Variants in PCDHA6 observed in about 807,000 individuals in gnomAD.
The protein encoded by PCDHA6 is protocadherin alpha-6.
In PCDHA6, 55 loss-of-function variants were observed where a neutral mutation model predicts 60.3. The observed-to-expected ratio is 0.91, with a 90% CI of 0.73 to 1.14. PCDHA6 has a LOEUF of 1.14. Among genes scored for constraint, PCDHA6 ranks in the 50% most tolerant of loss-of-function variants. The probability of loss-of-function intolerance (pLI) is 0.00; values close to 1 mark genes in which losing one functional copy is unlikely to be tolerated. For synonymous variants in PCDHA6, 652 were observed against 557.9 expected (o/e 1.17, Z -2.38); for missense variants, 1,327 against 1,256.5 (o/e 1.06, Z -0.85).
intron 1 of PCDHA6, chr5:140,834,613 TA>T: frequency 6.2e-6 from 10 of 1,614,054 alleles, no homozygotes; most frequent in Non-Finnish European, 8.5e-6. Flanking sequence ...CTTCTGGAGG[TA>T]AATCTGCAGA....
At chr5:140,956,666 G>C (rs1232573740) in intron 1 of PCDHA6, among the ~76,000 whole-genome samples, 2 of 152,088 alleles carry the variant, frequency 1.3e-5, no homozygotes, top group African/African-American at 4.8e-5. Context: ...GGCCTTAAAG[G>C]AGTTAGGGAG....
At chr5:140,941,310 CTTCT>C (rs2093024652) in intron 1 of PCDHA6, among the ~76,000 whole-genome samples, 1 of 79,250 alleles carries the variant, frequency 1.3e-5, no homozygotes, top group Non-Finnish European at 2.6e-5. Flanking sequence ...CTTTCTTTTT[CTTCT>C]TTCTCTTTTT....
rs781991042 is a variant in PCDHA6, at chr5:140,968,933, A to G, written c.2395-10016A>G. ...AGTGTCTTTTATATTTCTTTTGACA[A>G]TCATCATTTTGAGCATCATCAAGTG... On this transcript the variant is annotated intron_variant, in intron 1 of 3. Transcript: ENST00000529310. 77 of 1,614,052 alleles carry G rather than the reference A, an allele frequency of 4.8e-5. No individual in the cohort carries two copies. Among genetic ancestry groups the G allele is most frequent in the Non-Finnish European group, 6.0e-5 (71 of 1,180,034 alleles).
intron 1 of PCDHA6, among the ~76,000 whole-genome samples, chr5:140,899,481 G>T (rs2153464125): frequency 6.6e-6 from 1 of 152,230 alleles, no homozygotes; most frequent in East Asian, 1.9e-4. Flanking sequence ...CTGTTTATAT[G>T]CTGGATTACA....
At chr5:140,979,083 C>T (rs563728648) in intron 2 of PCDHA6, 76 bp downstream of exon 2, 207 of 1,562,578 alleles carry the variant, frequency 1.3e-4, no homozygotes, top group Admixed American at 6.5e-4. Context: ...TCTCCATAGG[C>T]CAGAAGCAGC....
chr5:140,926,948 CG>C, intron 1 of PCDHA6: 2 of 1,589,778 alleles, frequency 1.3e-6, no homozygotes, highest in African/African-American at 1.3e-5. Context: ...GGCGCTGCAG[CG>C]GGACAGCTCG....
intron 1 of PCDHA6, chr5:140,884,562 A>G (rs782650365): frequency 3.1e-6 from 5 of 1,614,166 alleles, no homozygotes; most frequent in Admixed American, 1.7e-5. Flanking sequence ...GAGGGCCCGC[A>G]TAAGACGGAC....
chr5:140,843,744 A>C, intron 1 of PCDHA6: 1 of 1,534,810 alleles, frequency 6.5e-7, no homozygotes, highest in Non-Finnish European at 8.9e-7. Context: ...AGAACTCATA[A>C]ATTCTATTTG....
At chr5:140,942,544 G>A (rs546340510) in intron 1 of PCDHA6, among the ~76,000 whole-genome samples, 105 of 152,118 alleles carry the variant, frequency 6.9e-4, no homozygotes, top group African/African-American at 2.5e-3. Flanking sequence ...TATGGTGGGG[G>A]GTAGGGGGTT....
intron 1 of PCDHA6, chr5:140,871,434 A>G (rs781977570): frequency 1.9e-6 from 3 of 1,612,514 alleles, no homozygotes; most frequent in Non-Finnish European, 2.5e-6. Context: ...GTCTTCCTCT[A>G]GGTCTGAATA....
chr5:140,965,708 A>T (rs2095927788), intron 1 of PCDHA6, among the ~76,000 whole-genome samples: 1 of 152,244 alleles, frequency 6.6e-6, no homozygotes, highest in African/African-American at 2.4e-5. Context: ...AGCTTGAGAG[A>T]AGAATCTCTT....
At chr5:140,965,911 G>C (rs1476309026) in intron 1 of PCDHA6, among the ~76,000 whole-genome samples, 1 of 152,206 alleles carries the variant, frequency 6.6e-6, no homozygotes, top group African/African-American at 2.4e-5. Context: ...CCAGGATGCT[G>C]GTTTTAGGCT....
At chr5:140,973,276 C>G (rs1416819589) in intron 1 of PCDHA6, among the ~76,000 whole-genome samples, 1 of 152,132 alleles carries the variant, frequency 6.6e-6, no homozygotes, top group African/African-American at 2.4e-5. Context: ...TTTATTTCCC[C>G]CAGCACTGAT....
intron 1 of PCDHA6, chr5:140,870,333 C>T (rs564033882): frequency 1.2e-6 from 2 of 1,614,164 alleles, no homozygotes; most frequent in South Asian, 2.2e-5. Flanking sequence ...TGCTGGACAG[C>T]GCCCTGGACC....
At chr5:140,840,486 A>G (rs1263185469) in intron 1 of PCDHA6, among the ~76,000 whole-genome samples, 5 of 152,034 alleles carry the variant, frequency 3.3e-5, no homozygotes, top group Admixed American at 3.3e-4. Context: ...TAAAGGCATA[A>G]TTCTGGTAAA....
chr5:140,872,606 A>T (rs905903091), intron 1 of PCDHA6, among the ~76,000 whole-genome samples: 4 of 151,888 alleles, frequency 2.6e-5, no homozygotes, highest in Non-Finnish European at 4.4e-5. Context: ...TGAAAAAATA[A>T]TTTTTTTTGC....
At chr5:140,881,425 G>A (rs2058709101) in intron 1 of PCDHA6, 2 of 901,294 alleles carry the variant, frequency 2.2e-6, no homozygotes, top group Non-Finnish European at 1.3e-6. Flanking sequence ...TTAGTTCCAG[G>A]CATATTTTAT....
chr5:140,988,009 A>C (rs1223658003), intron 3 of PCDHA6, among the ~76,000 whole-genome samples: 3 of 152,204 alleles, frequency 2.0e-5, no homozygotes, highest in Non-Finnish European at 4.4e-5. Context: ...CCCCAGAAAG[A>C]AAGCATGATT....
intron 1 of PCDHA6, chr5:140,967,882 C>T (rs1323816592): frequency 1.2e-6 from 2 of 1,614,108 alleles, no homozygotes. Context: ...ACCTGTATAG[C>T]CCAGTGCCTG....
Sources: gnomAD v4.1 joint callset for allele counts (sites outside exome capture counted in the v4.1 genomes callset) on GRCh38, gnomAD v4.1.1 for gene constraint, MANE v1.5 for transcripts, NCBI Gene and HGNC (gene_info 2026-07-23, HGNC 2026-07-21) for gene names.